Variants in SUMF1 observed in about 807,000 individuals in gnomAD.
SUMF1 encodes the protein formylglycine-generating enzyme.
A neutral mutation model predicts 47.6 loss-of-function variants in SUMF1; 48 were observed. The ratio of observed to expected loss-of-function variants is 1.01; its 90% CI spans 0.80 to 1.28. The LOEUF is 1.28. Ranked by LOEUF, SUMF1 falls within the 50% of genes most tolerant of loss-of-function variation. The pLI is 0.00. For synonymous variants in SUMF1, 230 were observed against 192.1 expected (o/e 1.20, Z -1.63); for missense variants, 571 against 485.4 (o/e 1.18, Z -1.66).
intron 8 of SUMF1, among the ~76,000 whole-genome samples, chr3:4,327,938 G>T (rs182962807): frequency 1.3e-5 from 2 of 152,324 alleles, no homozygotes; most frequent in Admixed American, 1.3e-4. Flanking sequence ...AAAAACCACT[G>T]CACTCAGCAG....
chr3:4,146,934 C>T (rs1362880175), intron 8 of SUMF1, among the ~76,000 whole-genome samples: 5 of 152,072 alleles, frequency 3.3e-5, no homozygotes, highest in South Asian at 4.2e-4. Flanking sequence ...TCCAGGCTAT[C>T]GTTGTTGGAC....
intron 8 of SUMF1, among the ~76,000 whole-genome samples, chr3:4,256,159 A>G (rs1696949565): frequency 9.4e-6 from 1 of 105,834 alleles, no homozygotes; most frequent in Admixed American, 9.6e-5. Context: ...CACAAGAGAA[A>G]GCAGGAAAGA....
downstream of SUMF1, among the ~76,000 whole-genome samples, chr3:4,359,756 C>G (rs1397732474): frequency 1.3e-5 from 2 of 152,116 alleles, no homozygotes; most frequent in Admixed American, 6.5e-5. Context: ...TTCAATTACT[C>G]CCACCAGGTC....
chr3:4,396,712 C>A (rs1013562406), intron 7 of SUMF1, among the ~76,000 whole-genome samples: 1 of 152,190 alleles, frequency 6.6e-6, no homozygotes, highest in Non-Finnish European at 1.5e-5. Context: ...TAAGCAACTA[C>A]AATCTTCTTT....
intron 9 of SUMF1, among the ~76,000 whole-genome samples, chr3:4,064,903 T>C (rs943906218): frequency 2.0e-5 from 3 of 152,128 alleles, no homozygotes; most frequent in African/African-American, 7.2e-5. Context: ...TAAAACAGCA[T>C]GGGACACAGC....
chr3:4,435,162 G>A (rs1295347391), intron 3 of SUMF1, among the ~76,000 whole-genome samples: 1 of 152,130 alleles, frequency 6.6e-6, no homozygotes, highest in Admixed American at 6.6e-5. Flanking sequence ...CCTAACCTCA[G>A]GTGATCCGCC....
chr3:4,298,556 A>G (rs1160034528), intron 8 of SUMF1, among the ~76,000 whole-genome samples: 4 of 152,240 alleles, frequency 2.6e-5, no homozygotes, highest in Non-Finnish European at 4.4e-5. Context: ...TTACCAAGAA[A>G]GAGTCAAAAA....
intron 1 of SUMF1, among the ~76,000 whole-genome samples, chr3:4,465,080 G>A (rs1339982520): frequency 6.6e-6 from 1 of 152,194 alleles, no homozygotes; most frequent in African/African-American, 2.4e-5. Flanking sequence ...GCTTGCCAGA[G>A]GAATCTAGAT....
intron 7 of SUMF1, among the ~76,000 whole-genome samples, chr3:4,405,748 G>A (rs1251044743): frequency 1.3e-5 from 2 of 152,212 alleles, no homozygotes; most frequent in African/African-American, 4.8e-5. Flanking sequence ...TTTCCAAAAT[G>A]TGTCTAGAGC....
rs535178036 is a variant in SUMF1, at chr3:4,348,191, T to A, written c.1014+28139A>T. Among the ~76,000 whole-genome samples the A allele has an allele frequency of 2.6e-5, 4 of 152,276 alleles. No individual in the cohort carries two copies. In the East Asian group the frequency reaches 7.7e-4, roughly 29 times the overall value. Reference sequence around the variant, plus strand: ...AGAAAAAACTATTTTAAATTTCATATGGAACCAAAAAAGAGCCTGGATAGC... The same window carrying A: ...AGAAAAAACTATTTTAAATTTCATAAGGAACCAAAAAAGAGCCTGGATAGC... On this transcript the variant is annotated intron_variant and NMD_transcript_variant, in intron 8 of 12. Coordinates refer to the SUMF1 transcript ENST00000448413.
chr3:4,435,294 A>G (rs1702361323), intron 3 of SUMF1, among the ~76,000 whole-genome samples: 1 of 152,206 alleles, frequency 6.6e-6, no homozygotes, highest in South Asian at 2.1e-4. Context: ...GAATGGAAAG[A>G]TAAGAGCTCT....
intron 8 of SUMF1, 105 bp downstream of exon 8, chr3:4,376,225 G>T: frequency 7.4e-7 from 1 of 1,350,952 alleles, no homozygotes; most frequent in Non-Finnish European, 1.1e-6. Flanking sequence ...GGGTTAGGTA[G>T]GCATTTGCAG....
intron 8 of SUMF1, among the ~76,000 whole-genome samples, chr3:4,369,779 G>T (rs1300007859): frequency 1.3e-5 from 2 of 152,096 alleles, no homozygotes; most frequent in Non-Finnish European, 2.9e-5. Flanking sequence ...CTTCTAACAA[G>T]CTTCTAGGTG....
intron 8 of SUMF1, among the ~76,000 whole-genome samples, chr3:4,071,254 G>C (rs1695515849): frequency 6.6e-6 from 1 of 152,096 alleles, no homozygotes; most frequent in East Asian, 1.9e-4. Context: ...GGTGATTTCT[G>C]CATTTCCAAC....
intron 6 of SUMF1, among the ~76,000 whole-genome samples, chr3:4,413,306 A>C (rs1009918507): frequency 3.3e-5 from 5 of 152,104 alleles, no homozygotes; most frequent in Non-Finnish European, 7.4e-5. Context: ...AGACCCAGTG[A>C]CACCAACAGT....
chr3:4,097,884 T>C (rs1300169654), intron 8 of SUMF1, among the ~76,000 whole-genome samples: 1 of 152,110 alleles, frequency 6.6e-6, no homozygotes, highest in Admixed American at 6.5e-5. Flanking sequence ...GGGCCAGAAG[T>C]TGGTGTGGCA....
At chr3:4,194,434 A>G (rs1695385433) in intron 8 of SUMF1, among the ~76,000 whole-genome samples, 2 of 152,154 alleles carry the variant, frequency 1.3e-5, no homozygotes, top group African/African-American at 4.8e-5. Flanking sequence ...AGTAGGATTA[A>G]CATTTTGCTT....
intron 3 of SUMF1, among the ~76,000 whole-genome samples, chr3:4,420,389 C>A (rs1412625640): frequency 7.4e-6 from 1 of 134,688 alleles, no homozygotes; most frequent in Non-Finnish European, 1.5e-5. Context: ...TGGTGTATAT[C>A]TATAAGAATT....
intron 8 of SUMF1, among the ~76,000 whole-genome samples, chr3:4,324,221 A>T (rs551850253): frequency 5.7e-4 from 83 of 146,262 alleles, no homozygotes; most frequent in Non-Finnish European, 9.4e-4. Flanking sequence ...GAAATTAATT[A>T]AAAAAAAAAT....
Sources: gnomAD v4.1 joint callset for allele counts (sites outside exome capture counted in the v4.1 genomes callset) on GRCh38, gnomAD v4.1.1 for gene constraint, MANE v1.5 for transcripts, NCBI Gene and HGNC (gene_info 2026-07-23, HGNC 2026-07-21) for gene names.